CFAP74: variants seen among roughly 807,000 people sequenced by gnomAD.
CFAP74 encodes cilia and flagella associated protein 74, also known as cilia- and flagella-associated protein 74.
A neutral mutation model predicts 188.9 loss-of-function variants in CFAP74; 124 were observed. That is an observed-to-expected ratio of 0.66 (90% CI 0.57 to 0.76). CFAP74 has a LOEUF of 0.76. CFAP74 is among the 30% of genes least tolerant of loss of function. The pLI is 0.00. For synonymous variants in CFAP74, 956 were observed against 916.7 expected (o/e 1.04, Z -0.77); for missense variants, 2,198 against 2,165.2 (o/e 1.02, Z -0.30).
intron 25 of CFAP74, among the ~76,000 whole-genome samples, chr1:1,936,207 T>A (rs1570850563): frequency 7.8e-6 from 1 of 129,024 alleles, no homozygotes; most frequent in Admixed American, 8.0e-5. Flanking sequence ...ACAAGAGCGA[T>A]GCTCCGTCTC....
intron 6 of CFAP74, among the ~76,000 whole-genome samples, chr1:1,979,175 A>G (rs1474185165): frequency 6.8e-5 from 5 of 73,294 alleles, no homozygotes; most frequent in Admixed American, 1.2e-4. Context: ...ACAAGGCTGC[A>G]CAGAACACGT....
At chr1:1,985,917 G>A (rs867608654) in intron 5 of CFAP74, among the ~76,000 whole-genome samples, 3 of 152,374 alleles carry the variant, frequency 2.0e-5, no homozygotes, top group Middle Eastern at 3.4e-3. Flanking sequence ...GCCCAGCCAC[G>A]TTCCTAGAGA....
intron 1 of CFAP74, among the ~76,000 whole-genome samples, chr1:1,999,883 A>G (rs1488494699): frequency 6.6e-6 from 1 of 150,386 alleles, no homozygotes; most frequent in Non-Finnish European, 1.5e-5. Flanking sequence ...GAAAACCTAC[A>G]GGCCGGGCGC....
In CFAP74 at chr1:1,968,120, GAAT is replaced by G. The variant is rs1174871015; in HGVS notation, c.1245+512_1245+514del. 2.1e-5 allele frequency among the ~76,000 whole-genome samples: 3 copies of G among 142,234 alleles called. No homozygotes were observed. In the East Asian group the frequency reaches 6.3e-4, roughly 30 times the overall value. The allele number at this position is 142,234 out of a possible 152,430, so 93.3% of individuals were successfully genotyped here. A position where few individuals can be genotyped will look rare whatever the true frequency, so the allele number is the denominator to read the frequency against. Reference sequence around the variant, plus strand: ...GTGAATGAATGAGTGAATGAATGAAGAATGAGTGAGTGAATGAATGAAGAAAGA... The same window carrying G: ...GTGAATGAATGAGTGAATGAATGAAGGAGTGAGTGAATGAATGAAGAAAGA... On this transcript the variant is annotated intron_variant, in intron 11 of 38. Coordinates refer to ENST00000682832, the MANE Select transcript of CFAP74 (RefSeq NM_001304360.2). This position sits in a 1 kb window ranked among gnomAD's most constrained non-coding sequence, Gnocchi z 4.3.
At chr1:1,993,347 C>T (rs1010877459) in intron 1 of CFAP74, among the ~76,000 whole-genome samples, 14 of 151,576 alleles carry the variant, frequency 9.2e-5, no homozygotes, top group Admixed American at 3.3e-4. Context: ...TGCAGTGGTG[C>T]GATCACAGCT....
chr1:1,940,224 G>A, intron 23 of CFAP74, 92 bp downstream of exon 23: 3 of 1,007,186 alleles, frequency 3.0e-6, no homozygotes, highest in East Asian at 2.6e-5. Context: ...GCCCTTTTGG[G>A]GGCCCTCGCC....
rs1374484337 is a variant in CFAP74 at position 1,931,524 on chromosome 1, C to T, written c.3012-1188G>A. ...GTCCGAGGCGGGCGGATCACAAGGT[C>T]AGGAGATCGAGACCATCCTGGCTAA... On this transcript the variant is annotated intron_variant, in intron 25 of 38. Transcript: ENST00000682832. Among the ~76,000 whole-genome samples, 3 of 144,944 alleles carry T rather than the reference C, an allele frequency of 2.1e-5. No homozygotes were observed. In the East Asian group the frequency reaches 6.3e-4, roughly 30 times the overall value.
chr1:1,970,898 CAG>C (rs1655920278), intron 9 of CFAP74, 82 bp from the exon 10 acceptor site: 2 of 1,531,942 alleles, frequency 1.3e-6, no homozygotes, highest in African/African-American at 1.4e-5. Context: ...TGTGCACACA[CAG>C]GTTCATACAT....
intron 13 of CFAP74, 98 bp downstream of exon 13, chr1:1,964,789 CA>C (rs1278239526): frequency 8.7e-5 from 118 of 1,352,000 alleles, no homozygotes; most frequent in Admixed American, 1.1e-4. Flanking sequence ...GACTCCATCT[CA>C]AAAAAAAGCA....
chr1:1,939,481 A>G lies in CFAP74; in HGVS notation c.2877+113T>C, dbSNP rs556255000. On this transcript the variant is annotated intron_variant, in intron 24 of 38. Transcript: ENST00000682832. Reference sequence around the variant, plus strand: ...GTGGAGGGGTGCAGCTGAGAGGCGGAAGTTGGGCCACATGCCCACGCGTGG... The same window carrying G: ...GTGGAGGGGTGCAGCTGAGAGGCGGGAGTTGGGCCACATGCCCACGCGTGG... 4.5e-5 allele frequency: 47 copies of G among 1,045,204 alleles called. No individual in the cohort carries two copies. In the African/African-American group the frequency reaches 5.1e-4, roughly 11 times the overall value. The allele number at this position is 1,045,204 out of a possible 1,614,324, so 64.7% of individuals were successfully genotyped here.
intron 25 of CFAP74, among the ~76,000 whole-genome samples, chr1:1,932,264 G>A (rs889813379): frequency 2.0e-5 from 3 of 151,370 alleles, no homozygotes; most frequent in African/African-American, 7.3e-5. Context: ...AGGCGTGGTG[G>A]TGGGCACCTG....
chr1:1,999,680 G>A (rs377589775), intron 1 of CFAP74, among the ~76,000 whole-genome samples: 56 of 151,962 alleles, frequency 3.7e-4, no homozygotes, highest in African/African-American at 1.2e-3. Flanking sequence ...AGCCAGGCGC[G>A]GTGGCGTGCG....
In CFAP74 at chr1:1,939,488, G is replaced by A. The variant is rs1570861995; in HGVS notation, c.2877+106C>T. 8 of 1,147,430 alleles carry A rather than the reference G, an allele frequency of 7.0e-6. No homozygotes were observed. The African/African-American group carries it at 1.1e-4, about 15-fold the overall frequency. The allele number at this position is 1,147,430 out of a possible 1,614,324, so 71.1% of individuals were successfully genotyped here. A position where few individuals can be genotyped will look rare whatever the true frequency, so the allele number is the denominator to read the frequency against. Reference sequence around the variant, plus strand: ...GGTGCAGCTGAGAGGCGGAAGTTGGGCCACATGCCCACGCGTGGGGGACCC... The same window carrying A: ...GGTGCAGCTGAGAGGCGGAAGTTGGACCACATGCCCACGCGTGGGGGACCC... On this transcript the variant is annotated intron_variant, in intron 24 of 38. Coordinates refer to ENST00000682832, the MANE Select transcript of CFAP74 (RefSeq NM_001304360.2).
Position 1,944,467 on chromosome 1 carries a change from A to G in CFAP74, c.2365-15T>C. ...CTGAAATGCAGCTGCATATGGACAC[A>G]GGAGCTCAGCAACAGGAGTTCCTTG... On this transcript the variant is annotated splice_polypyrimidine_tract_variant and intron_variant, in intron 20 of 38. Coordinates refer to ENST00000682832, the MANE Select transcript of CFAP74 (RefSeq NM_001304360.2). 1 of 1,534,902 alleles carries G rather than the reference A, an allele frequency of 6.5e-7. No homozygotes were observed. The highest frequency in any genetic ancestry group is 8.7e-7 in the Non-Finnish European group (1 of 1,145,930).
rs974491500 is a variant in CFAP74, at chr1:1,970,929, G to A, written c.889-113C>T. The A allele has an allele frequency of 1.7e-5, 22 of 1,308,492 alleles. No individual in the cohort carries two copies. In the East Asian group the frequency reaches 4.2e-4, roughly 25 times the overall value. The allele number at this position is 1,308,492 out of a possible 1,614,324, so 81.1% of individuals were successfully genotyped here. ...CATACATGCACACGTGCACACACGT[G>A]CACACACACATGCACACCTGCACAT... On this transcript the variant is annotated intron_variant, in intron 9 of 38. Transcript: ENST00000682832.
At chr1:1,955,223 AAGG>A in intron 18 of CFAP74, 6 of 1,289,792 alleles carry the variant, frequency 4.7e-6, no homozygotes, top group Non-Finnish European at 6.1e-6. Context: ...CAAGAGAAGC[AAGG>A]AGGAGACGCA....
intron 1 of CFAP74, among the ~76,000 whole-genome samples, chr1:1,993,923 A>T (rs1182647810): frequency 6.6e-6 from 1 of 150,680 alleles, no homozygotes; most frequent in Non-Finnish European, 1.5e-5. Context: ...CGGAGCTTGC[A>T]GTGAGCCGAG....
chr1:1,954,696 T>C (rs1465976514), intron 18 of CFAP74: 10 of 542,086 alleles, frequency 1.8e-5, no homozygotes, highest in East Asian at 2.9e-4. Context: ...GGCAGGAGGA[T>C]TGCTTGAGCC....
chr1:1,969,366 C>A (rs1655751796), intron 10 of CFAP74, among the ~76,000 whole-genome samples: 1 of 143,098 alleles, frequency 7.0e-6, no homozygotes, highest in Non-Finnish European at 1.5e-5. Context: ...CCCAGACCTT[C>A]CCAGTCCAGC....
Sources: allele counts gnomAD v4.1 joint callset (sites outside exome capture counted in the v4.1 genomes callset), GRCh38; gene constraint gnomAD v4.1.1; non-coding constraint Gnocchi (gnomAD v3.1); transcripts MANE v1.5; gene names NCBI Gene and HGNC (gene_info 2026-07-23, HGNC 2026-07-21).